Variants in MYO1D observed in about 807,000 individuals in gnomAD.
MYO1D encodes myosin ID, also known as unconventional myosin-Id.
Under a neutral mutation model 122.0 loss-of-function variants are expected in MYO1D, and 83 were observed. That is an observed-to-expected ratio of 0.68 (90% CI 0.57 to 0.82). The LOEUF (loss-of-function observed/expected upper bound fraction) is 0.82. Among genes scored for constraint, MYO1D ranks in the 40% least tolerant of loss-of-function variants. MYO1D has a pLI of 0.00. For synonymous variants in MYO1D, 464 were observed against 446.9 expected (o/e 1.04, Z -0.48); for missense variants, 1,157 against 1,269.5 (o/e 0.91, Z 1.35).
intron 16 of MYO1D, among the ~76,000 whole-genome samples, chr17:32,662,926 T>G (rs1240658880): frequency 2.0e-5 from 3 of 150,614 alleles, no homozygotes; most frequent in Non-Finnish European, 4.4e-5. Flanking sequence ...TTCTTTTTTT[T>G]TTTTTTTTTG....
chr17:32,659,562 A>G (rs941975031), intron 16 of MYO1D: 19 of 565,308 alleles, frequency 3.4e-5, no homozygotes, highest in Non-Finnish European at 5.7e-5. Flanking sequence ...TCATTATTCT[A>G]CACTGAAGTG....
At chr17:32,588,380 G>GTTCAAAATAAAC (rs2087409658) in intron 21 of MYO1D, among the ~76,000 whole-genome samples, 2 of 152,198 alleles carry the variant, frequency 1.3e-5, no homozygotes, top group African/African-American at 2.4e-5. Flanking sequence ...AAAGAGGGAT[G>GTTCAAAATAAAC]TCCTTCTCTG....
intron 14 of MYO1D, among the ~76,000 whole-genome samples, chr17:32,737,362 CT>C (rs59432486): frequency 0.036 from 5,075 of 141,976 alleles, 171 homozygotes; most frequent in East Asian, 0.19. Flanking sequence ...AATAATACAA[CT>C]TTTTTTTTTT....
chr17:32,778,594 G>A, intron 2 of MYO1D, 21 bp from the exon 3 acceptor site: 1 of 1,580,028 alleles, frequency 6.3e-7, no homozygotes, highest in South Asian at 1.1e-5. Context: ...AAATTGTTCA[G>A]GGCTTAACAT....
chr17:32,820,398 A>G (rs1598126180), intron 1 of MYO1D, among the ~76,000 whole-genome samples: 1 of 152,348 alleles, frequency 6.6e-6, no homozygotes, highest in African/African-American at 2.4e-5. Context: ...GGATAAAGAA[A>G]ATGTGATATA....
At chr17:32,809,232 C>A (rs771474193) in intron 1 of MYO1D, among the ~76,000 whole-genome samples, 41 of 151,942 alleles carry the variant, frequency 2.7e-4, no homozygotes, top group Non-Finnish European at 5.0e-4. Flanking sequence ...AATCATCCCA[C>A]CTCAGCCTCC....
rs187573483 is a variant in MYO1D at position 32,739,848 on chromosome 17, C to T, written c.1614-1463G>A. The stretch of plus-strand genomic sequence containing the variant: ...GATGAAAGAGCAGATGAGCGCAGAG[C>T]GAAGAAGACAAATGGTAATGTGTGG... On this transcript the variant is annotated intron_variant, in intron 13 of 21. Coordinates refer to ENST00000318217, the MANE Select transcript of MYO1D (RefSeq NM_015194.3). Among the ~76,000 whole-genome samples the T allele has an allele frequency of 2.1e-3, 312 of 152,166 alleles. 3 individuals carry two copies. The highest frequency in any genetic ancestry group is 7.2e-3 in the African/African-American group (299 of 41,498).
chr17:32,582,394 G>T (rs1833518341), intron 21 of MYO1D, among the ~76,000 whole-genome samples: 1 of 152,178 alleles, frequency 6.6e-6, no homozygotes, highest in African/African-American at 2.4e-5. Flanking sequence ...AAATACTAAT[G>T]TCTCTTAATT....
At chr17:32,604,223 A>C (rs1597925062) in intron 21 of MYO1D, among the ~76,000 whole-genome samples, 1 of 152,168 alleles carries the variant, frequency 6.6e-6, no homozygotes, top group East Asian at 1.9e-4. Flanking sequence ...GGAATACTTG[A>C]TTAATTTTAG....
At position 32,745,290 on chromosome 17, in the gene MYO1D, CAG is replaced by C. The variant is rs1567621344; in HGVS notation, c.1539-7_1539-6del. On this transcript the variant is annotated splice_polypyrimidine_tract_variant and splice_region_variant and intron_variant, in intron 12 of 21. Transcript: ENST00000318217. The stretch of plus-strand genomic sequence containing the variant: ...ATAAAACCAATGACAGAATAGCTAA[CAG>C]GGAAAAATCACAGAAAACATGTATC... The C allele has an allele frequency of 2.0e-6, 3 of 1,525,736 alleles. No individual in the cohort carries two copies. Among genetic ancestry groups the C allele is most frequent in the African/African-American group, 1.4e-5 (1 of 71,896 alleles). 94.5% of individuals were successfully genotyped at this position (1,525,736 alleles called of 1,614,324 possible).
chr17:32,627,808 A>C (rs1166372698), intron 20 of MYO1D: 1 of 152,202 alleles, frequency 6.6e-6, no homozygotes, highest in East Asian at 1.9e-4. Flanking sequence ...AGGTAAGGTT[A>C]TATGTTTCGG....
At chr17:32,755,728 CT>C in intron 10 of MYO1D, 66 bp from the exon 11 acceptor site, 1 of 1,428,210 alleles carries the variant, frequency 7.0e-7, no homozygotes, top group Non-Finnish European at 9.6e-7. Context: ...AACCCTGATG[CT>C]CCCATTTGTA....
At chr17:32,636,246 A>G (rs2088097574) in intron 20 of MYO1D, among the ~76,000 whole-genome samples, 1 of 152,218 alleles carries the variant, frequency 6.6e-6, no homozygotes, top group Non-Finnish European at 1.5e-5. Flanking sequence ...ACGTTTCACA[A>G]AAACCTCAAA....
At chr17:32,691,401 ATTCT>A (rs1401213107) in intron 16 of MYO1D, among the ~76,000 whole-genome samples, 10 of 143,542 alleles carry the variant, frequency 7.0e-5, no homozygotes, top group Non-Finnish European at 1.2e-4. Context: ...TGCAAAGAAA[ATTCT>A]TTTTTTTTTT....
chr17:32,565,101 T>C (rs960426678), intron 21 of MYO1D, among the ~76,000 whole-genome samples: 1 of 152,208 alleles, frequency 6.6e-6, no homozygotes. Flanking sequence ...CCTCCCAGGT[T>C]CAAGCGATTC....
At chr17:32,699,989 A>C (rs1046889970) in intron 16 of MYO1D, among the ~76,000 whole-genome samples, 6 of 152,248 alleles carry the variant, frequency 3.9e-5, no homozygotes, top group Admixed American at 6.5e-5. Context: ...CTAAAAAATT[A>C]AGAACAAAAT....
intron 19 of MYO1D, among the ~76,000 whole-genome samples, chr17:32,650,033 A>G (rs1434223963): frequency 1.3e-5 from 2 of 152,204 alleles, no homozygotes; most frequent in Admixed American, 6.5e-5. Context: ...TGTAGCTACC[A>G]CTTCACTTGC....
At chr17:32,570,493 A>G (rs999761083) in intron 21 of MYO1D, among the ~76,000 whole-genome samples, 22 of 151,912 alleles carry the variant, frequency 1.4e-4, no homozygotes, top group Non-Finnish European at 2.5e-4. Flanking sequence ...GCCTCCAAGT[A>G]GCTGGGACTA....
chr17:32,684,020 C>CGTCACCCCTTTCTTT (rs1229974219), intron 16 of MYO1D, among the ~76,000 whole-genome samples: 2 of 152,190 alleles, frequency 1.3e-5, no homozygotes, highest in Non-Finnish European at 2.9e-5. Context: ...CAGGTGCGTC[C>CGTCACCCCTTTCTTT]GTCACCCCTT....
Sources: allele counts gnomAD v4.1 joint callset (sites outside exome capture counted in the v4.1 genomes callset), GRCh38; gene constraint gnomAD v4.1.1; transcripts MANE v1.5; gene names NCBI Gene and HGNC (gene_info 2026-07-23, HGNC 2026-07-21).